Variants in PIEZO2 observed in about 807,000 individuals in gnomAD.
The protein encoded by PIEZO2 is piezo-type mechanosensitive ion channel component 2.
Under a neutral mutation model 337.3 loss-of-function variants are expected in PIEZO2, and 172 were observed. That is an observed-to-expected ratio of 0.51 (90% CI 0.45 to 0.58). PIEZO2 has a LOEUF of 0.58. Among genes scored for constraint, PIEZO2 ranks in the 20% least tolerant of loss-of-function variants. The probability of loss-of-function intolerance (pLI) is 0.00; values close to 1 mark genes in which losing one functional copy is unlikely to be tolerated. For synonymous variants in PIEZO2, 1,251 were observed against 1,228.5 expected (o/e 1.02, Z -0.38); for missense variants, 3,028 against 3,391.3 (o/e 0.89, Z 2.66).
At chr18:10,754,327 G>T (rs566203531) in intron 27 of PIEZO2, among the ~76,000 whole-genome samples, 1 of 152,330 alleles carries the variant, frequency 6.6e-6, no homozygotes, top group African/African-American at 2.4e-5. Flanking sequence ...GAGATCCCAG[G>T]GTGCTGCGGA....
chr18:10,729,548 C>T (rs543274565), intron 36 of PIEZO2, among the ~76,000 whole-genome samples: 13 of 147,152 alleles, frequency 8.8e-5, no homozygotes, highest in South Asian at 2.1e-4. Context: ...CGCTTGAACC[C>T]GGGAGGCTGA....
chr18:10,916,156 G>A (rs1415091024), intron 3 of PIEZO2, among the ~76,000 whole-genome samples: 2 of 152,148 alleles, frequency 1.3e-5, no homozygotes, highest in African/African-American at 4.8e-5. Flanking sequence ...TGTGCTGATT[G>A]GTGCATATAC....
At chr18:11,000,480 C>A (rs1017156357) in intron 2 of PIEZO2, among the ~76,000 whole-genome samples, 2 of 152,134 alleles carry the variant, frequency 1.3e-5, no homozygotes, top group Non-Finnish European at 2.9e-5. Context: ...GAAGACAGTG[C>A]TGCAGAGTAT....
At chr18:11,011,974 C>T (rs900776652) in intron 2 of PIEZO2, among the ~76,000 whole-genome samples, 1 of 152,094 alleles carries the variant, frequency 6.6e-6, no homozygotes, top group Non-Finnish European at 1.5e-5. Context: ...GAGCAAGATC[C>T]TAATTCTAAA....
rs1292264714 is a variant in PIEZO2, at chr18:10,837,322, C to T, written c.917+18031G>A. Among the ~76,000 whole-genome samples, 1 of 152,160 alleles carries T rather than the reference C, an allele frequency of 6.6e-6. No homozygotes were observed. The highest frequency in any genetic ancestry group is 2.4e-5 in the African/African-American group (1 of 41,440). On this transcript the variant is annotated intron_variant, in intron 7 of 55. Coordinates refer to ENST00000674853, the MANE Select transcript of PIEZO2 (RefSeq NM_001378183.1). This position sits in a 1 kb window ranked among gnomAD's most constrained non-coding sequence, Gnocchi z 4.4. ...GATCCTCAAGGGAAGAAAAGAAGTC[C>T]CCTGTGAGGGGAACACAGCATCTTC... is the stretch of plus-strand genomic sequence containing the variant.
In PIEZO2 at chr18:10,727,217, A is replaced by G. The variant is rs1043073086; in HGVS notation, c.5029+4190T>C. 1.4e-5 allele frequency: 4 copies of G among 296,254 alleles called. No individual in the cohort carries two copies. Among genetic ancestry groups the G allele is most frequent in the Admixed American group, 5.2e-5 (1 of 19,286 alleles). 18.4% of individuals were successfully genotyped at this position (296,254 alleles called of 1,614,324 possible). On this transcript the variant is annotated intron_variant, in intron 36 of 55. Coordinates refer to ENST00000674853, the MANE Select transcript of PIEZO2 (RefSeq NM_001378183.1). The surrounding 1 kb of genome is among the most constrained non-coding windows in gnomAD (Gnocchi z 6.3). Reference sequence around the variant, plus strand: ...GCAGAGGGAAGGCATGGGGGCAGGAAGGGAGCTGAGCATTGATGGGGATGA... The same window carrying G: ...GCAGAGGGAAGGCATGGGGGCAGGAGGGGAGCTGAGCATTGATGGGGATGA...
At chr18:10,972,878 C>G (rs2034298524) in intron 3 of PIEZO2, among the ~76,000 whole-genome samples, 1 of 152,136 alleles carries the variant, frequency 6.6e-6, no homozygotes, top group Non-Finnish European at 1.5e-5. Flanking sequence ...ATGGGTCAAG[C>G]ACAGTCCCAA....
At position 10,728,933 on chromosome 18, in the gene PIEZO2, C is replaced by T. The variant is rs540921836; in HGVS notation, c.5029+2474G>A. Among the ~76,000 whole-genome samples the T allele has an allele frequency of 3.1e-3, 398 of 128,692 alleles. 1 individual carries two copies. The highest frequency in any genetic ancestry group is 4.2e-3 in the Non-Finnish European group (266 of 63,976). 84.4% of individuals were successfully genotyped at this position (128,692 alleles called of 152,430 possible). On this transcript the variant is annotated intron_variant, in intron 36 of 55. Transcript: ENST00000674853. ...TGGCGCCACTGCACTCCAGCCTGGG[C>T]GACAGAGCAAGACTCTGTCTCAAAA...
Position 11,035,716 on chromosome 18 carries a change from T to C in PIEZO2, c.160+30411A>G, listed in dbSNP as rs900387734. Among the ~76,000 whole-genome samples, 2 of 152,172 alleles carry C rather than the reference T, an allele frequency of 1.3e-5. No individual in the cohort carries two copies. The highest frequency in any genetic ancestry group is 4.8e-5 in the African/African-American group (2 of 41,436). ...CACAGAGGGTTGGAAAGTGTGATTA[T>C]GATGATGAAATTATTATTCCACAAA... On this transcript the variant is annotated intron_variant, in intron 2 of 55. Coordinates refer to ENST00000674853, the MANE Select transcript of PIEZO2 (RefSeq NM_001378183.1). This position sits in a 1 kb window ranked among gnomAD's most constrained non-coding sequence, Gnocchi z 4.3.
intron 2 of PIEZO2, among the ~76,000 whole-genome samples, chr18:10,989,234 A>G (rs2034998630): frequency 6.6e-6 from 1 of 152,072 alleles, no homozygotes; most frequent in Non-Finnish European, 1.5e-5. Context: ...AATTGTACAG[A>G]TTTTTCTATG....
intron 3 of PIEZO2, among the ~76,000 whole-genome samples, chr18:10,964,391 A>G (rs2033915082): frequency 6.6e-6 from 1 of 152,244 alleles, no homozygotes; most frequent in Non-Finnish European, 1.5e-5. Flanking sequence ...TCAACCTTGT[A>G]AAATATATTT....
intron 1 of PIEZO2, among the ~76,000 whole-genome samples, chr18:11,087,426 C>A (rs748623673): frequency 6.6e-5 from 10 of 152,170 alleles, no homozygotes; most frequent in Non-Finnish European, 1.2e-4. Flanking sequence ...CCAAGCAATG[C>A]ACTTGGCTTT....
chr18:10,731,395 C>T lies in PIEZO2; in HGVS notation c.5029+12G>A. ...TGCCACACCCACCACAGCCACCCCA[C>T]CCACCACTCACCCTCCTTGGATCCT... On this transcript the variant is annotated intron_variant, in intron 36 of 55. Coordinates refer to ENST00000674853, the MANE Select transcript of PIEZO2 (RefSeq NM_001378183.1). The T allele has an allele frequency of 2.0e-6, 3 of 1,524,840 alleles. No homozygotes were observed. Among genetic ancestry groups the T allele is most frequent in the Non-Finnish European group, 2.6e-6 (3 of 1,138,256 alleles). The allele number at this position is 1,524,840 out of a possible 1,614,324, so 94.5% of individuals were successfully genotyped here.
chr18:10,823,680 T>C (rs928293333), intron 7 of PIEZO2, among the ~76,000 whole-genome samples: 2 of 152,158 alleles, frequency 1.3e-5, no homozygotes, highest in Non-Finnish European at 2.9e-5. Flanking sequence ...GAGGGATAAA[T>C]GTAATTGCAA....
intron 3 of PIEZO2, among the ~76,000 whole-genome samples, chr18:10,931,823 T>C (rs1164750731): frequency 1.3e-5 from 2 of 152,160 alleles, no homozygotes; most frequent in Non-Finnish European, 2.9e-5. Flanking sequence ...TCCTAAAAAA[T>C]ACATGTGTAA....
chr18:10,797,397 T>C lies in PIEZO2; in HGVS notation c.1504A>G (p.Ile502Val). ...VFQFIMKQSY[I>V]CALIAMMAWS... Reference sequence around the variant, plus strand: ...ACCATCATAGCTATGAGGGCACAGATGTAACTTTGTTTCATAATAAATTGG... The same window carrying C: ...ACCATCATAGCTATGAGGGCACAGACGTAACTTTGTTTCATAATAAATTGG... The change falls in exon 12 of 56, where the codon ATC (isoleucine) becomes GTC (valine). Residue 502 changes from isoleucine to valine, a missense_variant. By Grantham distance (29) the Ile-to-Val change is conservative. Transcript: ENST00000674853. The C allele has an allele frequency of 1.3e-6, 2 of 1,537,110 alleles. No homozygotes were observed. The highest frequency in any genetic ancestry group is 8.7e-7 in the Non-Finnish European group (1 of 1,146,848).
rs186160464 is a variant in PIEZO2, at chr18:11,116,197, C to A, written c.64+32328G>T. 2.0e-5 allele frequency among the ~76,000 whole-genome samples: 3 copies of A among 152,262 alleles called. No homozygotes were observed. The highest frequency in any genetic ancestry group is 4.4e-5 in the Non-Finnish European group (3 of 68,030). On this transcript the variant is annotated intron_variant, in intron 1 of 55. Coordinates refer to ENST00000674853, the MANE Select transcript of PIEZO2 (RefSeq NM_001378183.1). The surrounding 1 kb of genome is among the most constrained non-coding windows in gnomAD (Gnocchi z 5.0). ...TGCAAATAAAAACATGGCCAGTGCT[C>A]AGATTATGCCCACTGCCTTCAATAT...
intron 2 of PIEZO2, among the ~76,000 whole-genome samples, chr18:11,036,573 G>T (rs1008435923): frequency 1.3e-5 from 2 of 151,416 alleles, no homozygotes; most frequent in Admixed American, 6.6e-5. Flanking sequence ...TATAAATAAA[G>T]AAATCAAATA....
intron 18 of PIEZO2, among the ~76,000 whole-genome samples, chr18:10,778,554 G>A (rs571237274): frequency 1.3e-5 from 2 of 151,936 alleles, no homozygotes; most frequent in South Asian, 2.1e-4. Context: ...GGATGGTCTC[G>A]ATCTCCTGAC....
Sources: gnomAD v4.1 joint callset for allele counts (sites outside exome capture counted in the v4.1 genomes callset) on GRCh38, gnomAD v4.1.1 for gene constraint, Gnocchi (gnomAD v3.1) non-coding constraint, MANE v1.5 for transcripts, NCBI Gene and HGNC (gene_info 2026-07-23, HGNC 2026-07-21) for gene names.